The following NTM variants were observed in gnomAD, a reference collection of about 807,000 sequenced individuals.
NTM encodes neurotrimin.
NTM carries 13 observed loss-of-function variants against 42.1 expected under a neutral mutation model. The observed-to-expected ratio is 0.31, with a 90% CI of 0.20 to 0.49. The LOEUF (loss-of-function observed/expected upper bound fraction) is 0.49, where lower values mean the gene tolerates loss of function less well. NTM is among the 20% of genes least tolerant of loss of function. NTM has a pLI of 0.99. For synonymous variants in NTM, 187 were observed against 179.2 expected (o/e 1.04, Z -0.35); for missense variants, 373 against 452.8 (o/e 0.82, Z 1.60).
rs181596578 is a variant in NTM, at chr11:131,469,533, G to A, written c.82+98645G>A. Among the ~76,000 whole-genome samples, 31 of 152,270 alleles carry A rather than the reference G, an allele frequency of 2.0e-4. No individual in the cohort carries two copies. In the Middle Eastern group the frequency reaches 0.01, roughly 50 times the overall value. On this transcript the variant is annotated intron_variant, in intron 1 of 8. Transcript: ENST00000683400. ...AGACAGATAACTGACTGCAGATCAG[G>A]AGACCTGGAGGCCATCCCTGACAGC...
chr11:132,200,800 G>T (rs1318696924), intron 3 of NTM, among the ~76,000 whole-genome samples: 1 of 152,168 alleles, frequency 6.6e-6, no homozygotes, highest in Non-Finnish European at 1.5e-5. Context: ...GGCAGCCTAG[G>T]AGAGAGGAAT....
intron 1 of NTM, among the ~76,000 whole-genome samples, chr11:131,815,068 C>T (rs934204242): frequency 5.9e-5 from 9 of 152,108 alleles, no homozygotes; most frequent in Non-Finnish European, 1.0e-4. Context: ...ATGATCACCT[C>T]GCTCTGCAGG....
chr11:132,070,417 G>C (rs1316055843), intron 2 of NTM, among the ~76,000 whole-genome samples: 1 of 131,348 alleles, frequency 7.6e-6, no homozygotes, highest in East Asian at 2.3e-4. Flanking sequence ...ACGTCAAACT[G>C]ACCGTCACAG....
chr11:131,478,256 G>A (rs1400394753), intron 1 of NTM, among the ~76,000 whole-genome samples: 1 of 151,958 alleles, frequency 6.6e-6, no homozygotes, highest in Non-Finnish European at 1.5e-5. Flanking sequence ...TTTGCATATC[G>A]TGCTTTCACT....
At chr11:131,916,285 A>G (rs1278176226) in intron 2 of NTM, among the ~76,000 whole-genome samples, 1 of 152,172 alleles carries the variant, frequency 6.6e-6, no homozygotes, top group African/African-American at 2.4e-5. Context: ...AAGCATCAAC[A>G]CACCTGTCAC....
intron 2 of NTM, among the ~76,000 whole-genome samples, chr11:132,036,045 G>C (rs928758532): frequency 3.9e-5 from 6 of 152,068 alleles, no homozygotes; most frequent in Non-Finnish European, 8.8e-5. Context: ...TGTAATTACA[G>C]AGTTATTACA....
At chr11:131,780,357 C>T (rs1230406041) in intron 1 of NTM, among the ~76,000 whole-genome samples, 4 of 152,050 alleles carry the variant, frequency 2.6e-5, no homozygotes, top group African/African-American at 9.7e-5. Context: ...CACTGAGGGA[C>T]AATGGCTTAT....
intron 2 of NTM, among the ~76,000 whole-genome samples, chr11:132,055,487 A>T (rs2079494997): frequency 6.6e-6 from 1 of 152,184 alleles, no homozygotes; most frequent in South Asian, 2.1e-4. Flanking sequence ...TAGAGGAAAA[A>T]CAGCTTTTTG....
intron 1 of NTM, among the ~76,000 whole-genome samples, chr11:131,640,978 CA>C (rs758757712): frequency 1.3e-5 from 2 of 152,114 alleles, no homozygotes; most frequent in South Asian, 2.1e-4. Context: ...AGTACCAATA[CA>C]AAGGGAATCA....
At chr11:131,913,751 C>T (rs1426814819) in intron 2 of NTM, among the ~76,000 whole-genome samples, 1 of 152,148 alleles carries the variant, frequency 6.6e-6, no homozygotes, top group Non-Finnish European at 1.5e-5. Flanking sequence ...CTTGAATTGA[C>T]CCCAACCCAG....
chr11:131,643,601 G>C (rs976752176), intron 1 of NTM, among the ~76,000 whole-genome samples: 1 of 152,196 alleles, frequency 6.6e-6, no homozygotes, highest in African/African-American at 2.4e-5. Context: ...AGATTGCAGT[G>C]AGCCTAATCA....
At chr11:132,213,142 A>G (rs887435231) in intron 4 of NTM, among the ~76,000 whole-genome samples, 1 of 152,138 alleles carries the variant, frequency 6.6e-6, no homozygotes, top group Non-Finnish European at 1.5e-5. Context: ...AAATGTGTGT[A>G]TGTGATTATG....
chr11:131,781,605 C>T (rs1160460343), intron 1 of NTM, among the ~76,000 whole-genome samples: 2 of 152,068 alleles, frequency 1.3e-5, no homozygotes, highest in African/African-American at 4.8e-5. Context: ...CATCAAAAGG[C>T]CAATAGTGAG....
intron 2 of NTM, among the ~76,000 whole-genome samples, chr11:132,007,663 G>GTGAAGGAAT (rs1211070400): frequency 1.3e-5 from 2 of 152,192 alleles, no homozygotes; most frequent in African/African-American, 4.8e-5. Flanking sequence ...GAATCCTTTT[G>GTGAAGGAAT]TGAAGGAATA....
At chr11:131,633,766 CCTCTCT>C (rs1238243158) in intron 1 of NTM, among the ~76,000 whole-genome samples, 30 of 40,038 alleles carry the variant, frequency 7.5e-4, no homozygotes, top group African/African-American at 2.1e-3. Context: ...CCTCTCTCTC[CCTCTCT>C]CTCTCTCTCT....
At chr11:131,576,927 A>G (rs974072774) in intron 1 of NTM, among the ~76,000 whole-genome samples, 3 of 152,248 alleles carry the variant, frequency 2.0e-5, no homozygotes, top group Non-Finnish European at 4.4e-5. Flanking sequence ...AAATAAGTTA[A>G]TCTTTGCAAA....
Position 131,604,820 on chromosome 11 carries a change from C to T in NTM, c.82+233932C>T, listed in dbSNP as rs376406636. 4.3e-4 allele frequency among the ~76,000 whole-genome samples: 65 copies of T among 151,560 alleles called. 2 individuals carry two copies. The highest frequency in any genetic ancestry group is 1.5e-3 in the African/African-American group (61 of 41,340). On this transcript the variant is annotated intron_variant, in intron 1 of 8. Transcript: ENST00000683400. Reference sequence around the variant, plus strand: ...AGTTTTTAACAAACTATTCTTTCTCCCATTGAATTTTCTTGGCACACTTGT... The same window carrying T: ...AGTTTTTAACAAACTATTCTTTCTCTCATTGAATTTTCTTGGCACACTTGT...
At chr11:131,844,146 AT>A (rs1479518943) in intron 1 of NTM, among the ~76,000 whole-genome samples, 1 of 152,222 alleles carries the variant, frequency 6.6e-6, no homozygotes, top group Non-Finnish European at 1.5e-5. Flanking sequence ...TTGTATTCTA[AT>A]AATGGCAAAG....
At chr11:131,733,553 A>G (rs2080007096) in intron 1 of NTM, among the ~76,000 whole-genome samples, 2 of 129,006 alleles carry the variant, frequency 1.6e-5, no homozygotes, top group South Asian at 4.7e-4. Flanking sequence ...TTTGATGGAG[A>G]GTCTCACTCG....
Sources: gnomAD v4.1 joint callset for allele counts (sites outside exome capture counted in the v4.1 genomes callset) on GRCh38, gnomAD v4.1.1 for gene constraint, MANE v1.5 for transcripts, NCBI Gene and HGNC (gene_info 2026-07-23, HGNC 2026-07-21) for gene names.